Variants in VWF observed in about 807,000 individuals in gnomAD.
The protein encoded by VWF is von Willebrand factor, also known as Factor VIII related antigen.
In VWF, 176 loss-of-function variants were observed where a neutral mutation model predicts 308.6. The ratio of observed to expected loss-of-function variants is 0.57; its 90% CI spans 0.50 to 0.65. VWF has a LOEUF of 0.65. Ranked by LOEUF, VWF falls within the 30% of genes least tolerant of loss-of-function variation. The probability of loss-of-function intolerance (pLI) is 0.00; values close to 1 mark genes in which losing one functional copy is unlikely to be tolerated. For missense variants in VWF, 3,146 were observed against 3,648.2 expected (o/e 0.86, Z 3.55); for synonymous variants, 1,385 against 1,443.4 (o/e 0.96, Z 0.92).
intron 35 of VWF, among the ~76,000 whole-genome samples, chr12:5,995,151 C>A (rs1201031909): frequency 6.6e-6 from 1 of 152,066 alleles, no homozygotes; most frequent in East Asian, 1.9e-4. Context: ...CCAGGGAAGC[C>A]AAAAGGTTGG....
chr12:5,953,313 A>G (rs1370537087), intron 48 of VWF, among the ~76,000 whole-genome samples, 183 bp downstream of exon 48: 1 of 152,208 alleles, frequency 6.6e-6, no homozygotes, highest in Admixed American at 6.5e-5. Flanking sequence ...CAAAATAACT[A>G]AATAAAAGAG....
chr12:5,982,222 G>T (rs11830385), intron 41 of VWF, among the ~76,000 whole-genome samples: 22,845 of 152,136 alleles, frequency 0.15, 1,892 homozygotes, highest in African/African-American at 0.2. Context: ...TCTAATGGAG[G>T]AGAAGTGAAG....
chr12:6,089,749 G>A (rs1260271568), intron 6 of VWF, among the ~76,000 whole-genome samples: 1 of 151,964 alleles, frequency 6.6e-6, no homozygotes, highest in Non-Finnish European at 1.5e-5. Context: ...AATAAAATGA[G>A]ACCAAAAATA....
chr12:5,953,468 G>C, intron 48 of VWF, 28 bp downstream of exon 48: 3 of 1,593,180 alleles, frequency 1.9e-6, no homozygotes, highest in Non-Finnish European at 2.6e-6. Flanking sequence ...TGATATGTGA[G>C]GGAGCCCTGC....
chr12:5,994,384 G>A lies in VWF; in HGVS notation c.6256+31C>T, dbSNP rs201384573. On this transcript the variant is annotated intron_variant, in intron 36 of 51. Transcript: ENST00000261405. ...GTAAGGTTTATAAATGTATAGCAGG[G>A]GGAGAAGAGGAGTTGAGAAAATGTT... 142 of 1,612,198 alleles carry A rather than the reference G, an allele frequency of 8.8e-5. 2 individuals are homozygous for A. The African/African-American group carries it at 1.7e-3, about 19-fold the overall frequency.
chr12:5,981,665 T>C lies in VWF; in HGVS notation c.7287+121A>G, dbSNP rs1591841381. On this transcript the variant is annotated intron_variant, in intron 42 of 51. Coordinates refer to ENST00000261405, the MANE Select transcript of VWF (RefSeq NM_000552.5). ...ATCTTCCATGAGGAGCACATGTTGC[T>C]TAGCAAATATTGGATGGGTAGGTGG... 3.5e-6 allele frequency: 4 copies of C among 1,155,022 alleles called. No individual in the cohort carries two copies. In the East Asian group the frequency reaches 9.5e-5, roughly 28 times the overall value. The allele number at this position is 1,155,022 out of a possible 1,614,324, so 71.5% of individuals were successfully genotyped here. A position where few individuals can be genotyped will look rare whatever the true frequency, so the allele number is the denominator to read the frequency against.
intron 47 of VWF, among the ~76,000 whole-genome samples, chr12:5,964,037 C>G (rs1199362359): frequency 1.3e-5 from 2 of 151,990 alleles, no homozygotes; most frequent in African/African-American, 4.8e-5. Context: ...GAAACCCCGT[C>G]TCTACTAAAA....
chr12:5,979,028 C>CA (rs775887322), intron 42 of VWF, among the ~76,000 whole-genome samples: 46 of 150,696 alleles, frequency 3.1e-4, no homozygotes, highest in Non-Finnish European at 5.0e-4. Context: ...ACTTGAATAT[C>CA]AAAAAAAAAT....
chr12:5,968,177 A>G lies in VWF; in HGVS notation c.7730-10T>C. ...CAGGCCTCCATGCGCTCTGGGGGAG[A>G]GAAAAGTGCAGAGTGAGAGTGGGCA... On this transcript the variant is annotated splice_polypyrimidine_tract_variant and intron_variant, in intron 45 of 51. Transcript: ENST00000261405. 6.2e-7 allele frequency: 1 copy of G among 1,613,816 alleles called. No individual in the cohort carries two copies. Among genetic ancestry groups the G allele is most frequent in the Non-Finnish European group, 8.5e-7 (1 of 1,179,920 alleles).
chr12:6,103,684 T>C (rs1945209795), intron 5 of VWF, among the ~76,000 whole-genome samples: 1 of 151,634 alleles, frequency 6.6e-6, no homozygotes, highest in Non-Finnish European at 1.5e-5. Flanking sequence ...CTTCAACAAA[T>C]GTTGCTGGGA....
rs769301116 is a variant in VWF, at chr12:5,994,621, A to G, written c.6064-14T>C. 1.2e-6 allele frequency: 2 copies of G among 1,613,540 alleles called. No homozygotes were observed. Among genetic ancestry groups the G allele is most frequent in the African/African-American group, 1.3e-5 (1 of 74,920 alleles). On this transcript the variant is annotated splice_polypyrimidine_tract_variant and intron_variant, in intron 35 of 51. Coordinates refer to ENST00000261405, the MANE Select transcript of VWF (RefSeq NM_000552.5). The stretch of plus-strand genomic sequence containing the variant: ...ATTCACCGTCACCTGCACAAAGAAG[A>G]AAGAGCTCATCCGTAGTCCTAGCAA...
chr12:6,060,442 C>G lies in VWF; in HGVS notation c.1534-2398G>C, dbSNP rs1306011316. On this transcript the variant is annotated intron_variant, in intron 13 of 51. Transcript: ENST00000261405. The surrounding 1 kb of genome is among the most constrained non-coding windows in gnomAD (Gnocchi z 5.1). ...TGCCCCAGCTGGCCTCCCTCCAGCT[C>G]TCGCCTCCACACTTCCATCCCCAAA... is the stretch of plus-strand genomic sequence containing the variant. Among the ~76,000 whole-genome samples, 2 of 152,172 alleles carry G rather than the reference C, an allele frequency of 1.3e-5. No individual in the cohort carries two copies. Among genetic ancestry groups the G allele is most frequent in the South Asian group, 4.2e-4 (2 of 4,818 alleles).
In VWF at chr12:6,075,184, G is replaced by A; in HGVS notation, c.874+151C>T. ...AGAGGGCAGGAGCCATTCAGGAAAT[G>A]GGTCCGGGACACGTGGCTTTGTAGT... On this transcript the variant is annotated intron_variant, in intron 7 of 51. Coordinates refer to ENST00000261405, the MANE Select transcript of VWF (RefSeq NM_000552.5). This position sits in a 1 kb window ranked among gnomAD's most constrained non-coding sequence, Gnocchi z 4.7. The A allele has an allele frequency of 1.0e-6, 1 of 971,708 alleles. No individual in the cohort carries two copies. The highest frequency in any genetic ancestry group is 1.5e-6 in the Non-Finnish European group (1 of 646,030). 60.2% of individuals were successfully genotyped at this position (971,708 alleles called of 1,614,324 possible).
chr12:6,111,194 G>C (rs1212702401), intron 3 of VWF, among the ~76,000 whole-genome samples: 1 of 152,066 alleles, frequency 6.6e-6, no homozygotes, highest in Non-Finnish European at 1.5e-5. Flanking sequence ...CCTCAGGTAG[G>C]CTCTCAAACA....
intron 47 of VWF, among the ~76,000 whole-genome samples, chr12:5,956,438 T>C (rs986088689): frequency 6.6e-6 from 1 of 152,162 alleles, no homozygotes; most frequent in Non-Finnish European, 1.5e-5. Flanking sequence ...ATATTGATTA[T>C]TCCAGCCCTG....
chr12:6,018,674 G>A lies in VWF; in HGVS notation c.4744C>T (p.Leu1582=). Residue 1582 remains leucine (L), a synonymous_variant, in exon 28 of 52, where the codon CTG becomes TTG. Coordinates refer to ENST00000261405, the MANE Select transcript of VWF (RefSeq NM_000552.5). The part of the protein sequence containing the change: ...GGNRTNTGLA[L]RYLSDHSFLV... Reference sequence around the variant, plus strand: ...AAGCTGTGGTCAGAGAGGTACCGCAGGGCCAGCCCAGTGTTGGTCCTGTTG... The same window carrying A: ...AAGCTGTGGTCAGAGAGGTACCGCAAGGCCAGCCCAGTGTTGGTCCTGTTG... The A allele has an allele frequency of 6.2e-7, 1 of 1,613,832 alleles. No individual in the cohort carries two copies. The highest frequency in any genetic ancestry group is 8.5e-7 in the Non-Finnish European group (1 of 1,179,822).
intron 5 of VWF, among the ~76,000 whole-genome samples, chr12:6,103,034 T>C (rs1331801629): frequency 6.6e-6 from 1 of 151,542 alleles, no homozygotes; most frequent in East Asian, 2.0e-4. Flanking sequence ...TATAAAAATA[T>C]ACACATAGAT....
chr12:6,013,968 A>G (rs1944025985), intron 31 of VWF, among the ~76,000 whole-genome samples: 3 of 152,142 alleles, frequency 2.0e-5, no homozygotes, highest in Admixed American at 2.0e-4. Context: ...GCTTAGGAAA[A>G]AAACAAAATG....
At chr12:5,990,908 A>AAAAAAAAT (rs1943734327) in intron 38 of VWF, among the ~76,000 whole-genome samples, 2 of 35,864 alleles carry the variant, frequency 5.6e-5, no homozygotes, top group Admixed American at 6.6e-4. Flanking sequence ...AAAAAAAAAA[A>AAAAAAAAT]TTTTGATGAC....
Sources: gnomAD v4.1 joint callset for allele counts (sites outside exome capture counted in the v4.1 genomes callset) on GRCh38, gnomAD v4.1.1 for gene constraint, Gnocchi (gnomAD v3.1) non-coding constraint, MANE v1.5 for transcripts, NCBI Gene and HGNC (gene_info 2026-07-23, HGNC 2026-07-21) for gene names.